Variants in ACIN1 observed in about 807,000 individuals in gnomAD.
ACIN1 encodes the protein apoptotic chromatin condensation inducer in the nucleus.
Under a neutral mutation model 146.6 loss-of-function variants are expected in ACIN1, and 16 were observed. The ratio of observed to expected loss-of-function variants is 0.11; its 90% CI spans 0.07 to 0.17. The LOEUF (loss-of-function observed/expected upper bound fraction) is 0.17, where lower values mean the gene tolerates loss of function less well. Among genes scored for constraint, ACIN1 ranks in the 10% least tolerant of loss-of-function variants. The probability of loss-of-function intolerance (pLI) is 1.00; values close to 1 mark genes in which losing one functional copy is unlikely to be tolerated. For missense variants in ACIN1, 1,357 were observed against 1,609.3 expected (o/e 0.84, Z 2.68); for synonymous variants, 569 against 582.7 (o/e 0.98, Z 0.34).
chr14:23,079,343 G>A (rs983394358), intron 6 of ACIN1, among the ~76,000 whole-genome samples: 24 of 152,104 alleles, frequency 1.6e-4, no homozygotes, highest in African/African-American at 5.6e-4. Flanking sequence ...TCTATCAAGG[G>A]ACTCAAAATG....
At chr14:23,086,863 A>G (rs10140923) in intron 4 of ACIN1, among the ~76,000 whole-genome samples, 33,026 of 152,160 alleles carry the variant, frequency 0.22, 3,689 homozygotes, top group Middle Eastern at 0.31. Context: ...TTGATAAATT[A>G]TAACACTGAA....
chr14:23,077,082 A>G (rs1381235130), intron 8 of ACIN1, among the ~76,000 whole-genome samples: 1 of 152,230 alleles, frequency 6.6e-6, no homozygotes, highest in Admixed American at 6.5e-5. Context: ...ACCCCTCAGC[A>G]AGGGTATACC....
At chr14:23,071,147 TG>T in intron 8 of ACIN1, 1 of 1,551,650 alleles carries the variant, frequency 6.4e-7, no homozygotes, top group Non-Finnish European at 8.7e-7. Context: ...TCTGATAACA[TG>T]ATTTTTTTTC....
chr14:23,089,847 C>G, intron 4 of ACIN1, 135 bp downstream of exon 4: 1 of 1,227,318 alleles, frequency 8.1e-7, no homozygotes, highest in Non-Finnish European at 1.1e-6. Flanking sequence ...CCATGAGAAA[C>G]AGATGTCAAA....
At position 23,067,714 on chromosome 14, in the gene ACIN1, C is replaced by T. The variant is rs78063371; in HGVS notation, c.2266-1706G>A. 1.6e-3 allele frequency: 1,566 copies of T among 985,894 alleles called. 29 individuals carry two copies. The African/African-American group carries it at 0.025, about 15-fold the overall frequency. 61.1% of individuals were successfully genotyped at this position (985,894 alleles called of 1,614,324 possible). A position where few individuals can be genotyped will look rare whatever the true frequency, so the allele number is the denominator to read the frequency against. On this transcript the variant is annotated intron_variant, in intron 9 of 18. Coordinates refer to ENST00000605057, the MANE Select transcript of ACIN1 (RefSeq NM_001386863.1). The surrounding 1 kb of genome is among the most constrained non-coding windows in gnomAD (Gnocchi z 4.6). ...CTTTTATCGTGAGAGGCAGGCAGGA[C>T]CCTATGTCCACCAGTGGCAAGCTGC...
chr14:23,088,371 G>A (rs2048140741), intron 4 of ACIN1, among the ~76,000 whole-genome samples: 1 of 152,152 alleles, frequency 6.6e-6, no homozygotes, highest in African/African-American at 2.4e-5. Flanking sequence ...TTCTAGAAAT[G>A]TCTTTCTGGG....
At chr14:23,069,752 T>C (rs2047572763) in intron 8 of ACIN1, 135 bp from the exon 9 acceptor site, 1 of 771,370 alleles carries the variant, frequency 1.3e-6, no homozygotes, top group Non-Finnish European at 2.0e-6. Flanking sequence ...GCTGCTTTTC[T>C]GATCAAGGTT....
chr14:23,090,664 AG>A (rs2048205794), intron 2 of ACIN1, 31 bp from the exon 3 acceptor site: 1 of 1,553,666 alleles, frequency 6.4e-7, no homozygotes, highest in African/African-American at 1.4e-5. Context: ...CAGAGGGTCT[AG>A]GAAAACAAAC....
At chr14:23,094,241 A>C (rs2048307654) in intron 1 of ACIN1, among the ~76,000 whole-genome samples, 1 of 152,118 alleles carries the variant, frequency 6.6e-6, no homozygotes, top group African/African-American at 2.4e-5. Context: ...AACTCTAATT[A>C]AAACCAAGAC....
At chr14:23,086,445 T>C (rs2048093384) in intron 4 of ACIN1, among the ~76,000 whole-genome samples, 1 of 152,232 alleles carries the variant, frequency 6.6e-6, no homozygotes. Context: ...GGTAGGTGGA[T>C]AATGAGTCCT....
intron 14 of ACIN1, 185 bp downstream of exon 14, chr14:23,062,744 G>C: frequency 1.2e-6 from 1 of 856,434 alleles, no homozygotes; most frequent in East Asian, 2.7e-5. Context: ...AAACAACCCT[G>C]CAGGGCAACA....
chr14:23,071,011 T>G, intron 8 of ACIN1: 1 of 1,227,334 alleles, frequency 8.1e-7, no homozygotes, highest in Non-Finnish European at 1.2e-6. Flanking sequence ...GAAGGCAGAA[T>G]GACTGAAAAC....
chr14:23,059,170 C>A lies in ACIN1; in HGVS notation c.3830G>T (p.Arg1277Leu). ...SRSRSRSTPV[R>L]DRGGRR ...CAGCTAGCGGCGCCCACCCCGGTCCCGCACAGGTGTGCTCCGACTCCGGCT... is the reference window on the plus strand; with the variant it reads ...CAGCTAGCGGCGCCCACCCCGGTCCAGCACAGGTGTGCTCCGACTCCGGCT... The change falls in exon 19 of 19, where the codon CGG becomes CTG. Residue 1277 changes from arginine (R) to leucine (L), a missense_variant. By Grantham distance (102) the Arg-to-Leu change is moderately radical. Transcript: ENST00000605057. The A allele has an allele frequency of 1.9e-6, 3 of 1,614,012 alleles. No individual in the cohort carries two copies. Among genetic ancestry groups the A allele is most frequent in the Non-Finnish European group, 2.5e-6 (3 of 1,180,000 alleles).
intron 8 of ACIN1, among the ~76,000 whole-genome samples, chr14:23,075,757 T>A (rs1162646570): frequency 6.6e-6 from 1 of 150,950 alleles, no homozygotes; most frequent in African/African-American, 2.4e-5. Context: ...CAGGCTGGAG[T>A]GCAATGGCGT....
intron 4 of ACIN1, among the ~76,000 whole-genome samples, chr14:23,084,436 C>G (rs2048033250): frequency 6.6e-6 from 1 of 151,922 alleles, no homozygotes; most frequent in Non-Finnish European, 1.5e-5. Context: ...AAAACCTCAT[C>G]TCTACTAAAA....
intron 10 of ACIN1, among the ~76,000 whole-genome samples, chr14:23,065,326 G>A (rs1014122727): frequency 1.3e-4 from 20 of 152,302 alleles, no homozygotes; most frequent in African/African-American, 4.1e-4. Context: ...GATGGCTCAC[G>A]CCTGTAATCC....
chr14:23,091,813 G>A (rs961945706), intron 2 of ACIN1, among the ~76,000 whole-genome samples: 10 of 151,908 alleles, frequency 6.6e-5, no homozygotes, highest in African/African-American at 2.2e-4. Context: ...TAGTATAGAC[G>A]GGGTTTTGCC....
chr14:23,089,840 T>C (rs1015506479), intron 4 of ACIN1, 142 bp downstream of exon 4: 4 of 1,196,834 alleles, frequency 3.3e-6, no homozygotes, highest in Non-Finnish European at 4.5e-6. Context: ...ATACTTTCCA[T>C]GAGAAACAGA....
chr14:23,084,334 CG>C (rs1174442967), intron 4 of ACIN1, among the ~76,000 whole-genome samples: 2 of 152,098 alleles, frequency 1.3e-5, no homozygotes, highest in Admixed American at 1.3e-4. Flanking sequence ...AGGCTGGGCA[CG>C]GTGGCTCATG....
Sources: gnomAD v4.1 joint callset for allele counts (sites outside exome capture counted in the v4.1 genomes callset) on GRCh38, gnomAD v4.1.1 for gene constraint, Gnocchi (gnomAD v3.1) non-coding constraint, MANE v1.5 for transcripts, NCBI Gene and HGNC (gene_info 2026-07-23, HGNC 2026-07-21) for gene names.